Variants in CLASP2 observed in about 807,000 individuals in gnomAD.
The protein encoded by CLASP2 is cytoplasmic linker associated protein 2.
Under a neutral mutation model 194.4 loss-of-function variants are expected in CLASP2, and 47 were observed. That is an observed-to-expected ratio of 0.24 (90% confidence interval 0.19 to 0.31). CLASP2 has a LOEUF of 0.31. CLASP2 is among the 10% of genes least tolerant of loss of function. The pLI is 1.00. For missense variants in CLASP2, 1,445 were observed against 1,823.6 expected (o/e 0.79, Z 3.78); for synonymous variants, 619 against 633.5 (o/e 0.98, Z 0.34).
At chr3:33,633,794 TAGAG>T (rs1177314529) in intron 8 of CLASP2, among the ~76,000 whole-genome samples, 1 of 151,908 alleles carries the variant, frequency 6.6e-6, no homozygotes, top group Non-Finnish European at 1.5e-5. Flanking sequence ...AAGAACAACT[TAGAG>T]AGCTAGAAGA....
chr3:33,682,621 GA>G (rs2090023018), intron 6 of CLASP2, among the ~76,000 whole-genome samples: 1 of 152,024 alleles, frequency 6.6e-6, no homozygotes, highest in Non-Finnish European at 1.5e-5. Flanking sequence ...TATAAACTGA[GA>G]AGCAGTAAAG....
chr3:33,534,100 C>A (rs556239475), intron 34 of CLASP2, among the ~76,000 whole-genome samples: 1 of 152,018 alleles, frequency 6.6e-6, no homozygotes, highest in African/African-American at 2.4e-5. Context: ...TCACTGACAG[C>A]AACATTATGG....
At chr3:33,509,556 T>C (rs2049197814) in intron 37 of CLASP2, among the ~76,000 whole-genome samples, 1 of 152,190 alleles carries the variant, frequency 6.6e-6, no homozygotes, top group South Asian at 2.1e-4. Context: ...GACAAAGATA[T>C]CTAGATCTTA....
Position 33,606,767 on chromosome 3 carries a change from A to G in CLASP2, c.1527-9T>C, listed in dbSNP as rs1469617897. On this transcript the variant is annotated splice_polypyrimidine_tract_variant and intron_variant, in intron 15 of 38. Transcript: ENST00000682230. The stretch of plus-strand genomic sequence containing the variant: ...TAAGACCCATGTATGTCCTGTTAAA[A>G]AAAAAGAAAAGCAGATGAAGTAATA... 6.3e-7 allele frequency: 1 copy of G among 1,584,046 alleles called. No individual in the cohort carries two copies. Among genetic ancestry groups the G allele is most frequent in the Admixed American group, 1.8e-5 (1 of 54,234 alleles).
In CLASP2 at chr3:33,641,922, G is replaced by A. The variant is rs184348809; in HGVS notation, c.862+2835C>T. ...ACCTCGGAGTAGCAAATAATACATT[G>A]AGACTGAATCACCACCATTCAATGT... On this transcript the variant is annotated intron_variant, in intron 8 of 38. Transcript: ENST00000682230. Among the ~76,000 whole-genome samples the A allele has an allele frequency of 1.1e-4, 17 of 151,978 alleles. No homozygotes were observed. The East Asian group carries it at 2.1e-3, about 19-fold the overall frequency.
intron 6 of CLASP2, among the ~76,000 whole-genome samples, chr3:33,677,781 T>A (rs1444374963): frequency 6.6e-6 from 1 of 150,658 alleles, no homozygotes; most frequent in East Asian, 1.9e-4. Context: ...ATTATTCCTA[T>A]TTTATAAAAT....
At chr3:33,581,410 A>G (rs1457294102) in intron 23 of CLASP2, among the ~76,000 whole-genome samples, 2 of 152,222 alleles carry the variant, frequency 1.3e-5, no homozygotes, top group African/African-American at 2.4e-5. Context: ...TTAGTAACCT[A>G]AGTTAAATGA....
At chr3:33,595,369 T>C (rs960425840) in intron 19 of CLASP2, among the ~76,000 whole-genome samples, 5 of 152,072 alleles carry the variant, frequency 3.3e-5, no homozygotes, top group African/African-American at 4.8e-5. Flanking sequence ...TTTCAAAAGG[T>C]AGCCCATGAA....
intron 6 of CLASP2, among the ~76,000 whole-genome samples, chr3:33,673,310 T>C (rs2087766410): frequency 6.6e-6 from 1 of 152,144 alleles, no homozygotes; most frequent in African/African-American, 2.4e-5. Context: ...AGAAAAGAAT[T>C]TTCAACCCAG....
intron 1 of CLASP2, among the ~76,000 whole-genome samples, chr3:33,709,990 T>A (rs898730551): frequency 6.6e-6 from 1 of 152,236 alleles, no homozygotes; most frequent in African/African-American, 2.4e-5. Context: ...ACACAGTAAC[T>A]AGGAAGTCCT....
chr3:33,614,392 C>G (rs575767060), intron 12 of CLASP2, among the ~76,000 whole-genome samples: 3 of 152,212 alleles, frequency 2.0e-5, no homozygotes, highest in East Asian at 1.9e-4. Flanking sequence ...AGGAAAAGAT[C>G]TGAGCCAATA....
intron 18 of CLASP2, 103 bp from the exon 19 acceptor site, chr3:33,596,837 A>C (rs2070529080): frequency 1.1e-6 from 1 of 939,022 alleles, no homozygotes; most frequent in African/African-American, 1.7e-5. Context: ...GACAGAATTC[A>C]TAGTACAGAC....
At chr3:33,573,931 CT>C (rs1372020907) in intron 24 of CLASP2, among the ~76,000 whole-genome samples, 2 of 152,084 alleles carry the variant, frequency 1.3e-5, no homozygotes, top group African/African-American at 4.8e-5. Flanking sequence ...ATTTAGTCTA[CT>C]ATTATTTTAA....
At chr3:33,698,520 G>A (rs867078068) in intron 1 of CLASP2, among the ~76,000 whole-genome samples, 9 of 152,044 alleles carry the variant, frequency 5.9e-5, no homozygotes, top group Admixed American at 2.0e-4. Context: ...GTGGGGAAGG[G>A]GCAAGAACAC....
intron 6 of CLASP2, among the ~76,000 whole-genome samples, chr3:33,679,234 AT>A (rs991558609): frequency 3.3e-5 from 5 of 152,192 alleles, no homozygotes; most frequent in Non-Finnish European, 1.5e-5. Flanking sequence ...CCAAAAATTA[AT>A]TCAAATGGAT....
At chr3:33,595,310 A>C (rs968224882) in intron 19 of CLASP2, among the ~76,000 whole-genome samples, 1 of 152,136 alleles carries the variant, frequency 6.6e-6, no homozygotes, top group Non-Finnish European at 1.5e-5. Flanking sequence ...TTACTCTTTG[A>C]AAATGAAATT....
At chr3:33,542,523 T>C (rs1025518773) in intron 32 of CLASP2, among the ~76,000 whole-genome samples, 5 of 149,776 alleles carry the variant, frequency 3.3e-5, no homozygotes, top group Non-Finnish European at 7.4e-5. Flanking sequence ...TATATGAATA[T>C]AAATCATTCT....
chr3:33,644,815 G>A lies in CLASP2; in HGVS notation c.804C>T (p.Ser268=), dbSNP rs760557651. ...SAFKVPAPKT[S]GNPANSARKP... ...TCCTTGCACTGTTGGCAGGATTTCC[G>A]GATGTTTTAGGTGCAGGAACCTTGA... Residue 268 remains serine (S), a synonymous_variant, in exon 8 of 39, where the codon TCC becomes TCT. Coordinates refer to ENST00000682230, the MANE Select transcript of CLASP2 (RefSeq NM_001365631.1). 8 of 1,612,956 alleles carry A rather than the reference G, an allele frequency of 5.0e-6. No individual in the cohort carries two copies. Among genetic ancestry groups the A allele is most frequent in the South Asian group, 2.2e-5 (2 of 90,796 alleles).
At chr3:33,529,248 C>T (rs906639851) in intron 34 of CLASP2, among the ~76,000 whole-genome samples, 5 of 152,142 alleles carry the variant, frequency 3.3e-5, no homozygotes, top group African/African-American at 1.2e-4. Context: ...CTATTCTGCC[C>T]AAAGCAATGT....
Sources: allele counts gnomAD v4.1 joint callset (sites outside exome capture counted in the v4.1 genomes callset), GRCh38; gene constraint gnomAD v4.1.1; transcripts MANE v1.5; gene names NCBI Gene and HGNC (gene_info 2026-07-23, HGNC 2026-07-21).